SCN3A: variants seen among roughly 807,000 people sequenced by gnomAD.
SCN3A encodes the protein sodium channel protein type 3 subunit alpha.
In SCN3A, 60 loss-of-function variants were observed where a neutral mutation model predicts 187.6. The ratio of observed to expected loss-of-function variants is 0.32; its 90% confidence interval spans 0.26 to 0.40. The LOEUF is 0.40. Among genes scored for constraint, SCN3A ranks in the 10% least tolerant of loss-of-function variants. The pLI, the probability that SCN3A is intolerant of heterozygous loss-of-function variation, is 1.00. For synonymous variants in SCN3A, 788 were observed against 829.2 expected (o/e 0.95, Z 0.85); for missense variants, 1,601 against 2,428.2 (o/e 0.66, Z 7.16).
rs763003775 is a variant in SCN3A, at chr2:165,188,804, C to CAA, written c.-247-2059_-247-2058dup. On this transcript the variant is annotated intron_variant, in intron 1 of 27. Transcript: ENST00000283254. ...GAGCAAGATTCCATCCGCCCCACTT[C>CAA]AAAAAAAAAAAAAAAAAAAAAAAGA... 1.6e-3 allele frequency among the ~76,000 whole-genome samples: 117 copies of CAA among 72,470 alleles called. 1 individual carries two copies. Among genetic ancestry groups the CAA allele is most frequent in the African/African-American group, 2.9e-3 (66 of 22,928 alleles). 47.5% of individuals were successfully genotyped at this position (72,470 alleles called of 152,430 possible).
At chr2:165,202,448 T>C (rs1692380109) in intron 1 of SCN3A, among the ~76,000 whole-genome samples, 1 of 152,030 alleles carries the variant, frequency 6.6e-6, no homozygotes, top group Non-Finnish European at 1.5e-5. Context: ...TACACTCAAG[T>C]TAATTAACAG....
At position 165,092,179 on chromosome 2, in the gene SCN3A, A is replaced by G. The variant is rs1685136574; in HGVS notation, c.4807+75T>C. 1 of 1,389,622 alleles carries G rather than the reference A, an allele frequency of 7.2e-7. No homozygotes were observed. The highest frequency in any genetic ancestry group is 1.2e-5 in the South Asian group (1 of 86,124). The allele number at this position is 1,389,622 out of a possible 1,614,324, so 86.1% of individuals were successfully genotyped here. On this transcript the variant is annotated intron_variant, in intron 27 of 27. Coordinates refer to ENST00000283254, the MANE Select transcript of SCN3A (RefSeq NM_006922.4). The surrounding 1 kb of genome is among the most constrained non-coding windows in gnomAD (Gnocchi z 4.2). The stretch of plus-strand genomic sequence containing the variant: ...ATTATTATTCTCAGACCTAATTTCC[A>G]TGTTAATCAGCTAGAAGGTCCTGGG...
chr2:165,160,417 T>C (rs926021325), intron 9 of SCN3A, among the ~76,000 whole-genome samples: 1 of 152,160 alleles, frequency 6.6e-6, no homozygotes, highest in African/African-American at 2.4e-5. Context: ...AAACAGTCCC[T>C]GGTGCCAAAA....
chr2:165,121,329 A>G (rs1686664929), intron 18 of SCN3A, among the ~76,000 whole-genome samples: 1 of 152,180 alleles, frequency 6.6e-6, no homozygotes, highest in African/African-American at 2.4e-5. Context: ...TCAAACATCT[A>G]CTTTCAAAGT....
chr2:165,143,582 A>G (rs1306347875), intron 12 of SCN3A, among the ~76,000 whole-genome samples: 1 of 152,174 alleles, frequency 6.6e-6, no homozygotes, highest in African/African-American at 2.4e-5. Flanking sequence ...CAAAAATAAC[A>G]CACTAGAAGA....
At position 165,089,242 on chromosome 2, in the gene SCN3A, A is replaced by G. The variant is rs923011071; in HGVS notation, c.*908T>C. On this transcript the variant is annotated 3_prime_UTR_variant, in exon 28 of 28. Transcript: ENST00000283254. ...AGGATAAAATAACTATTTACATAAC[A>G]TAGGGTATTTAATTGACATAGACTA... 4 of 152,640 alleles carry G rather than the reference A, an allele frequency of 2.6e-5. No homozygotes were observed. Among genetic ancestry groups the G allele is most frequent in the Non-Finnish European group, 4.4e-5 (3 of 68,010 alleles). 9.5% of individuals were successfully genotyped at this position (152,640 alleles called of 1,614,324 possible).
intron 12 of SCN3A, among the ~76,000 whole-genome samples, chr2:165,141,342 G>T (rs999092339): frequency 1.3e-5 from 2 of 152,050 alleles, no homozygotes; most frequent in Admixed American, 6.6e-5. Flanking sequence ...TGGGAATGGT[G>T]GTTAAACAAA....
In SCN3A at chr2:165,092,631, T is replaced by C; in HGVS notation, c.4537-107A>G. ...CCACATACGGGATGGATGTGCACCC[T>C]CCTCATATTACCCCAAACAATTTTG... On this transcript the variant is annotated intron_variant, in intron 26 of 27. Coordinates refer to ENST00000283254, the MANE Select transcript of SCN3A (RefSeq NM_006922.4). The surrounding 1 kb of genome is among the most constrained non-coding windows in gnomAD (Gnocchi z 4.2). The C allele has an allele frequency of 9.9e-7, 1 of 1,012,296 alleles. No homozygotes were observed. 62.7% of individuals were successfully genotyped at this position (1,012,296 alleles called of 1,614,324 possible).
chr2:165,090,046 ACAGT>A lies in SCN3A; in HGVS notation c.*100_*103del, dbSNP rs1685000532. The A allele has an allele frequency of 1.3e-6, 2 of 1,509,924 alleles. No individual in the cohort carries two copies. The highest frequency in any genetic ancestry group is 1.8e-6 in the Non-Finnish European group (2 of 1,125,020). The allele number at this position is 1,509,924 out of a possible 1,614,324, so 93.5% of individuals were successfully genotyped here. Reference sequence around the variant, plus strand: ...GCACTGACTATGAGTATTTGTTAAAACAGTCAGTTTGGCATGGACCTCCTCTTGA... The same window carrying A: ...GCACTGACTATGAGTATTTGTTAAAACAGTTTGGCATGGACCTCCTCTTGA... On this transcript the variant is annotated 3_prime_UTR_variant, in exon 28 of 28. Coordinates refer to ENST00000283254, the MANE Select transcript of SCN3A (RefSeq NM_006922.4). This position sits in a 1 kb window ranked among gnomAD's most constrained non-coding sequence, Gnocchi z 4.0.
intron 2 of SCN3A, among the ~76,000 whole-genome samples, chr2:165,181,937 G>A (rs1358560495): frequency 1.3e-5 from 2 of 152,142 alleles, no homozygotes; most frequent in Non-Finnish European, 2.9e-5. Flanking sequence ...CTTCATCAGA[G>A]ATGTATTATG....
At position 165,129,793 on chromosome 2, in the gene SCN3A, T is replaced by C. The variant is rs530311655; in HGVS notation, c.2922+147A>G. 3.1e-6 allele frequency: 3 copies of C among 981,768 alleles called. No homozygotes were observed. The South Asian group carries it at 4.1e-5, about 13-fold the overall frequency. 60.8% of individuals were successfully genotyped at this position (981,768 alleles called of 1,614,324 possible). On this transcript the variant is annotated intron_variant, in intron 17 of 27. Coordinates refer to ENST00000283254, the MANE Select transcript of SCN3A (RefSeq NM_006922.4). ...AAACCAGAGCCCAGGAGAAGTTAAA[T>C]AACTTGCTTATTCTCTGAGTGCTAA...
chr2:165,148,835 G>T (rs1357729154), intron 11 of SCN3A, among the ~76,000 whole-genome samples: 2 of 151,958 alleles, frequency 1.3e-5, no homozygotes, highest in Non-Finnish European at 2.9e-5. Flanking sequence ...TATAATTCAT[G>T]ATGTAAAATG....
intron 2 of SCN3A, among the ~76,000 whole-genome samples, 193 bp from the exon 3 acceptor site, chr2:165,176,637 C>G (rs1301673274): frequency 1.3e-5 from 2 of 152,088 alleles, no homozygotes; most frequent in East Asian, 1.9e-4. Flanking sequence ...GTTCATAAAT[C>G]TATCAAAAGT....
intron 3 of SCN3A, among the ~76,000 whole-genome samples, chr2:165,171,639 T>A (rs980744922): frequency 6.6e-6 from 1 of 152,074 alleles, no homozygotes; most frequent in African/African-American, 2.4e-5. Flanking sequence ...ATCAATCACC[T>A]CCTTAATCAT....
In SCN3A at chr2:165,113,263, G is replaced by A. The variant is rs373997871; in HGVS notation, c.3670-205C>T. Among the ~76,000 whole-genome samples, 19 of 152,246 alleles carry A rather than the reference G, an allele frequency of 1.2e-4. No homozygotes were observed. In the South Asian group the frequency reaches 3.9e-3, roughly 32 times the overall value. ...CGTCATGCCTTTAGTGATTTAGAAT[G>A]TGCTTTCTTTCCTACTTCTCACCCC... On this transcript the variant is annotated intron_variant, in intron 20 of 27. Coordinates refer to ENST00000283254, the MANE Select transcript of SCN3A (RefSeq NM_006922.4).
At chr2:165,118,648 A>T (rs1430979658) in intron 18 of SCN3A, among the ~76,000 whole-genome samples, 1 of 151,990 alleles carries the variant, frequency 6.6e-6, no homozygotes, top group African/African-American at 2.4e-5. Flanking sequence ...GTGCTGTGGC[A>T]TGATCATGGC....
intron 9 of SCN3A, among the ~76,000 whole-genome samples, chr2:165,161,150 T>G (rs1034032782): frequency 1.6e-4 from 20 of 126,018 alleles, no homozygotes; most frequent in East Asian, 1.1e-3. Context: ...TTTTTTTTTT[T>G]TTTTTTTTTT....
intron 1 of SCN3A, among the ~76,000 whole-genome samples, chr2:165,196,310 C>T (rs1211297368): frequency 6.6e-6 from 1 of 152,054 alleles, no homozygotes; most frequent in East Asian, 1.9e-4. Context: ...GCCAGTATTT[C>T]TTCTGTTTAT....
At chr2:165,114,040 C>G in intron 19 of SCN3A, 70 bp from the exon 20 acceptor site, 2 of 950,250 alleles carry the variant, frequency 2.1e-6, no homozygotes, top group Non-Finnish European at 3.1e-6. Flanking sequence ...ACTTTCTTGC[C>G]CCTTCCCCAC....
Sources: allele counts gnomAD v4.1 joint callset (sites outside exome capture counted in the v4.1 genomes callset), GRCh38; gene constraint gnomAD v4.1.1; non-coding constraint Gnocchi (gnomAD v3.1); transcripts MANE v1.5; gene names NCBI Gene and HGNC (gene_info 2026-07-23, HGNC 2026-07-21).